Variants in PPP1R3A observed in about 807,000 individuals in gnomAD.
PPP1R3A encodes protein phosphatase 1 regulatory subunit 3A.
A neutral mutation model predicts 41.7 loss-of-function variants in PPP1R3A; 29 were observed. The ratio of observed to expected loss-of-function variants is 0.70; its 90% CI spans 0.52 to 0.95. The LOEUF (loss-of-function observed/expected upper bound fraction) is 0.95. PPP1R3A is among the 40% of genes least tolerant of loss of function. PPP1R3A has a pLI of 0.00. For synonymous variants in PPP1R3A, 485 were observed against 453.4 expected, an observed-to-expected ratio of 1.07 and a Z score of -0.89; for missense variants, 1,352 against 1,292.4, an observed-to-expected ratio of 1.05 and a Z score of -0.71.
At chr7:113,897,745 A>G (rs916142464) in intron 1 of PPP1R3A, among the ~76,000 whole-genome samples, 1 of 151,778 alleles carries the variant, frequency 6.6e-6, no homozygotes, top group East Asian at 1.9e-4. Flanking sequence ...AATGAGTAGA[A>G]TTTATTACCA....
chr7:113,911,644 C>T (rs975139580), intron 1 of PPP1R3A, among the ~76,000 whole-genome samples: 1 of 151,938 alleles, frequency 6.6e-6, no homozygotes, highest in African/African-American at 2.4e-5. Flanking sequence ...TTGTGTGTGA[C>T]CCAGAAGTTG....
At chr7:113,886,685 G>A (rs1267111101) in intron 1 of PPP1R3A, among the ~76,000 whole-genome samples, 1 of 152,086 alleles carries the variant, frequency 6.6e-6, no homozygotes, top group Non-Finnish European at 1.5e-5. Flanking sequence ...TTCAATTCTA[G>A]TTTCAAATAA....
chr7:113,904,674 G>T (rs1437937965), intron 1 of PPP1R3A, among the ~76,000 whole-genome samples: 2 of 149,294 alleles, frequency 1.3e-5, no homozygotes, highest in Non-Finnish European at 3.0e-5. Flanking sequence ...CCCAGAAATT[G>T]AGGAAATACA....
intron 1 of PPP1R3A, among the ~76,000 whole-genome samples, chr7:113,913,079 G>C (rs1412350967): frequency 1.3e-5 from 2 of 152,038 alleles, no homozygotes; most frequent in Non-Finnish European, 2.9e-5. Context: ...CTCCTGATGG[G>C]CCCTGCACAG....
intron 1 of PPP1R3A, among the ~76,000 whole-genome samples, chr7:113,884,043 G>T (rs879414781): frequency 2.0e-5 from 3 of 151,766 alleles, no homozygotes; most frequent in Admixed American, 6.6e-5. Flanking sequence ...AGAAATAAAT[G>T]AAATTTAAAT....
intron 1 of PPP1R3A, among the ~76,000 whole-genome samples, chr7:113,892,803 T>C (rs1796915518): frequency 1.3e-5 from 2 of 152,158 alleles, no homozygotes; most frequent in East Asian, 1.9e-4. Flanking sequence ...CAAAAAATAA[T>C]CTCAAGAGAA....
intron 1 of PPP1R3A, among the ~76,000 whole-genome samples, chr7:113,899,678 A>C (rs2129118091): frequency 6.6e-6 from 1 of 151,906 alleles, no homozygotes; most frequent in African/African-American, 2.4e-5. Flanking sequence ...TGCACATTGG[A>C]GTAGTCTGGA....
intron 1 of PPP1R3A, among the ~76,000 whole-genome samples, chr7:113,887,372 G>T (rs1796803038): frequency 6.6e-6 from 1 of 151,536 alleles, no homozygotes; most frequent in Non-Finnish European, 1.5e-5. Flanking sequence ...TTTTCTAATA[G>T]ATATTTTAAA....
At chr7:113,891,207 C>T (rs1477744416) in intron 1 of PPP1R3A, among the ~76,000 whole-genome samples, 3 of 151,246 alleles carry the variant, frequency 2.0e-5, no homozygotes, top group African/African-American at 7.3e-5. Flanking sequence ...TAATCAACCT[C>T]TCTGCGCCTC....
rs937836738 is a variant in PPP1R3A, at chr7:113,878,319, C to A, written c.2773G>T (p.Val925Leu). The A allele has an allele frequency of 1.2e-6, 2 of 1,613,036 alleles. No homozygotes were observed. The highest frequency in any genetic ancestry group is 1.3e-5 in the African/African-American group (1 of 74,860). The change falls in exon 4 of 4, where the codon GTG becomes TTG. Residue 925 changes from valine (V) to leucine (L), a missense_variant. Physicochemically the swap from Val to Leu is conservative, Grantham distance 32. Coordinates refer to ENST00000284601, the MANE Select transcript of PPP1R3A (RefSeq NM_002711.4). ...PFSKHHTEISVSTNEQAIAVE... is the reference protein window; with the variant it reads ...PFSKHHTEISLSTNEQAIAVE... ...GCAATTGCCTGCTCATTAGTTGACA[C>A]TGAAATTTCAGTATGATGTTTGGAA...
chr7:113,915,452 C>G (rs1797322061), intron 1 of PPP1R3A, among the ~76,000 whole-genome samples: 1 of 151,530 alleles, frequency 6.6e-6, no homozygotes, highest in Middle Eastern at 3.4e-3. Flanking sequence ...ACTAGGGCAG[C>G]CTGATTTTCA....
chr7:113,877,601 T>C lies in PPP1R3A; in HGVS notation c.*122A>G, dbSNP rs1796588431. On this transcript the variant is annotated 3_prime_UTR_variant, in exon 4 of 4. Coordinates refer to ENST00000284601, the MANE Select transcript of PPP1R3A (RefSeq NM_002711.4). ...AGGAGCAAACTTATTCGCGTCCCTT[T>C]TTAAATGATCCTTCAAGAGAAAAAC... is the stretch of plus-strand genomic sequence containing the variant. The C allele has an allele frequency of 8.2e-7, 1 of 1,217,906 alleles. No homozygotes were observed. Among genetic ancestry groups the C allele is most frequent in the Non-Finnish European group, 1.1e-6 (1 of 881,692 alleles). The allele number at this position is 1,217,906 out of a possible 1,614,324, so 75.4% of individuals were successfully genotyped here.
chr7:113,883,057 C>A (rs1427789853), intron 1 of PPP1R3A, among the ~76,000 whole-genome samples: 1 of 151,938 alleles, frequency 6.6e-6, no homozygotes, highest in Non-Finnish European at 1.5e-5. Context: ...AAGACAAATA[C>A]CTTTTTCCTT....
At chr7:113,918,106 G>A in intron 1 of PPP1R3A, 109 bp downstream of exon 1, 1 of 1,082,094 alleles carries the variant, frequency 9.2e-7, no homozygotes, top group South Asian at 1.6e-5. Context: ...TTTTTACATA[G>A]CAAGCAGTAT....
Position 113,878,998 on chromosome 7 carries a change from A to G in PPP1R3A, c.2094T>C (p.Thr698=), listed in dbSNP as rs762083976. 7 of 1,613,520 alleles carry G rather than the reference A, an allele frequency of 4.3e-6. No individual in the cohort carries two copies. Among genetic ancestry groups the G allele is most frequent in the Non-Finnish European group, 5.1e-6 (6 of 1,179,794 alleles). Residue 698 remains threonine, a synonymous_variant, in exon 4 of 4, where the codon ACT becomes ACC. Transcript: ENST00000284601. ...KRDNTRSLKA[T]TEELFTCQET... Reference sequence around the variant, plus strand: ...CTTGGCAGGTAAACAATTCTTCTGTAGTAGCTTTCAAACTCCTCGTATTAT... The same window carrying G: ...CTTGGCAGGTAAACAATTCTTCTGTGGTAGCTTTCAAACTCCTCGTATTAT...
Position 113,877,673 on chromosome 7 carries a change from T to TG in PPP1R3A, c.*49dup. 1 of 1,497,728 alleles carries TG rather than the reference T, an allele frequency of 6.7e-7. No homozygotes were observed. The highest frequency in any genetic ancestry group is 1.4e-5 in the South Asian group (1 of 72,420). 92.8% of individuals were successfully genotyped at this position (1,497,728 alleles called of 1,614,324 possible). A position where few individuals can be genotyped will look rare whatever the true frequency, so the allele number is the denominator to read the frequency against. ...GAATAGTCCCATTCACCAATCCAAA[T>TG]GTTTGGGGTTAAATAGCTTATCTTT... On this transcript the variant is annotated 3_prime_UTR_variant, in exon 4 of 4. Coordinates refer to ENST00000284601, the MANE Select transcript of PPP1R3A (RefSeq NM_002711.4).
intron 1 of PPP1R3A, among the ~76,000 whole-genome samples, chr7:113,910,262 T>C (rs1797222174): frequency 6.6e-6 from 1 of 152,038 alleles, no homozygotes; most frequent in African/African-American, 2.4e-5. Flanking sequence ...TCAAGATGAT[T>C]AAGAAGAAAA....
intron 1 of PPP1R3A, among the ~76,000 whole-genome samples, chr7:113,901,245 AGCGTTAAAACCCAATG>A (rs1411088750): frequency 6.6e-6 from 1 of 151,744 alleles, no homozygotes; most frequent in Admixed American, 6.6e-5. Context: ...AGCCCCAAGG[AGCGTTAAAACCCAATG>A]AAAATAGACG....
chr7:113,918,939 T>C lies in PPP1R3A; in HGVS notation c.58A>G (p.Asn20Asp), dbSNP rs774715321. 1.2e-6 allele frequency: 2 copies of C among 1,612,824 alleles called. No individual in the cohort carries two copies. The highest frequency in any genetic ancestry group is 1.7e-6 in the Non-Finnish European group (2 of 1,179,244). The change falls in exon 1 of 4, where the codon AAT (asparagine) becomes GAT (aspartate). Residue 20 changes from asparagine to aspartate, a missense_variant. Transcript: ENST00000284601. ...TCTTCACAAAGAGAGTCAGATAAAT[T>C]AGGAACTTCTAAAAAATTATCTTTG... Reference protein sequence around the residue: ...ISKDNFLEVPNLSDSLCEDEE... With the variant: ...ISKDNFLEVPDLSDSLCEDEE...
Sources: gnomAD v4.1 joint callset for allele counts (sites outside exome capture counted in the v4.1 genomes callset) on GRCh38, gnomAD v4.1.1 for gene constraint, MANE v1.5 for transcripts, NCBI Gene and HGNC (gene_info 2026-07-23, HGNC 2026-07-21) for gene names.